The following PCDH15 variants were observed in gnomAD, a reference collection of about 807,000 sequenced individuals.
PCDH15 encodes the protein protocadherin-15.
In PCDH15, 129 loss-of-function variants were observed where a neutral mutation model predicts 178.5. The ratio of observed to expected loss-of-function variants is 0.72; its 90% confidence interval spans 0.63 to 0.84. The LOEUF (loss-of-function observed/expected upper bound fraction) is 0.84. PCDH15 is among the 40% of genes least tolerant of loss of function. The pLI is 0.00. For synonymous variants in PCDH15, 800 were observed against 732.0 expected, an observed-to-expected ratio of 1.09 and a Z score of -1.50; for missense variants, 2,230 against 2,099.9, an observed-to-expected ratio of 1.06 and a Z score of -1.21.
Position 55,199,512 on chromosome 10 carries a change from C to T in PCDH15, c.-155-32861G>A, listed in dbSNP as rs1591984146. 2.0e-5 allele frequency among the ~76,000 whole-genome samples: 3 copies of T among 151,956 alleles called. No homozygotes were observed. In the South Asian group the frequency reaches 6.2e-4, roughly 31 times the overall value. On this transcript the variant is annotated intron_variant, in intron 1 of 5. Transcript: ENST00000458638. ...TCATAAAAGTTTGGAAAATTTGCAG[C>T]CTGACCACGTGGAAGAAAAAAAAAA... is the stretch of plus-strand genomic sequence containing the variant.
chr10:53,957,815 G>T (rs1488262833), intron 23 of PCDH15, among the ~76,000 whole-genome samples: 1 of 151,888 alleles, frequency 6.6e-6, no homozygotes, highest in Non-Finnish European at 1.5e-5. Flanking sequence ...GGAAGCACAG[G>T]TTACTGTGTC....
At chr10:54,537,660 T>A (rs2084731137) in intron 2 of PCDH15, among the ~76,000 whole-genome samples, 1 of 152,088 alleles carries the variant, frequency 6.6e-6, no homozygotes, top group African/African-American at 2.4e-5. Context: ...TGGACAAAAT[T>A]AAAACCAAAA....
chr10:54,416,694 T>A (rs1305237172), intron 3 of PCDH15, among the ~76,000 whole-genome samples: 1 of 152,178 alleles, frequency 6.6e-6, no homozygotes, highest in Non-Finnish European at 1.5e-5. Context: ...CCTTGATGAA[T>A]CACCATACTG....
chr10:54,758,015 A>C (rs1382267732), intron 1 of PCDH15, among the ~76,000 whole-genome samples: 1 of 152,190 alleles, frequency 6.6e-6, no homozygotes, highest in Admixed American at 6.5e-5. Context: ...TCAAAGGACC[A>C]CTGACAAATA....
chr10:54,054,638 C>T (rs542131024), intron 18 of PCDH15, among the ~76,000 whole-genome samples: 1 of 151,876 alleles, frequency 6.6e-6, no homozygotes, highest in African/African-American at 2.4e-5. Context: ...AGGGGTAGGC[C>T]CTAAATAAAT....
At chr10:55,275,009 G>GCTC (rs1842550907) in intron 1 of PCDH15, among the ~76,000 whole-genome samples, 1 of 151,990 alleles carries the variant, frequency 6.6e-6, no homozygotes, top group Non-Finnish European at 1.5e-5. Context: ...AAAAATTATA[G>GCTC]AGTCCCATTT....
At chr10:54,603,260 A>T (rs750421099) in intron 2 of PCDH15, among the ~76,000 whole-genome samples, 6 of 151,756 alleles carry the variant, frequency 4.0e-5, no homozygotes, top group Non-Finnish European at 7.4e-5. Flanking sequence ...TATTTATTTC[A>T]GTCTTCTCTC....
rs1233133649 is a variant in PCDH15, at chr10:53,809,617, G to A, written c.4671+939C>T. 26 of 1,428,184 alleles carry A rather than the reference G, an allele frequency of 1.8e-5. No individual in the cohort carries two copies. The South Asian group carries it at 1.8e-4, about 10-fold the overall frequency. 88.5% of individuals were successfully genotyped at this position (1,428,184 alleles called of 1,614,324 possible). On this transcript the variant is annotated intron_variant, in intron 37 of 37. Coordinates refer to ENST00000644397, the MANE Select transcript of PCDH15 (RefSeq NM_001384140.1). Reference sequence around the variant, plus strand: ...TATGGTATGACCTTGTCCCACGAAAGCTACGCAGGAATGAATCTGTGGGTG... The same window carrying A: ...TATGGTATGACCTTGTCCCACGAAAACTACGCAGGAATGAATCTGTGGGTG...
At chr10:54,577,264 T>TG (rs2090577202) in intron 2 of PCDH15, among the ~76,000 whole-genome samples, 2 of 150,808 alleles carry the variant, frequency 1.3e-5, no homozygotes, top group Admixed American at 6.6e-5. Flanking sequence ...TTTTTTTTTT[T>TG]GTAATTTTTA....
chr10:54,204,448 G>C (rs1044838862), intron 10 of PCDH15, among the ~76,000 whole-genome samples: 4 of 152,106 alleles, frequency 2.6e-5, no homozygotes, highest in Non-Finnish European at 5.9e-5. Context: ...TAGTGACTAG[G>C]AGGAGGTGTA....
chr10:54,905,494 T>A (rs996813979), intron 2 of PCDH15, among the ~76,000 whole-genome samples: 1 of 152,160 alleles, frequency 6.6e-6, no homozygotes, highest in Non-Finnish European at 1.5e-5. Flanking sequence ...TTTTTCTTCA[T>A]TTCTAATGCA....
chr10:54,100,955 C>G (rs1260494030), intron 15 of PCDH15, among the ~76,000 whole-genome samples: 3 of 151,996 alleles, frequency 2.0e-5, no homozygotes, highest in Non-Finnish European at 4.4e-5. Context: ...AGAAAGATCT[C>G]CAGTTAAGGT....
intron 5 of PCDH15, among the ~76,000 whole-genome samples, chr10:54,349,357 G>C (rs1297536911): frequency 6.6e-6 from 1 of 152,048 alleles, no homozygotes; most frequent in Admixed American, 6.6e-5. Flanking sequence ...TAAATTTCTG[G>C]AATAAATATT....
chr10:54,956,871 G>A (rs1467469702), intron 2 of PCDH15, among the ~76,000 whole-genome samples: 1 of 151,620 alleles, frequency 6.6e-6, no homozygotes, highest in African/African-American at 2.4e-5. Context: ...ATACATAGAT[G>A]AGGATACTGA....
intron 2 of PCDH15, among the ~76,000 whole-genome samples, chr10:54,627,832 G>T (rs1205732478): frequency 2.0e-5 from 3 of 152,168 alleles, no homozygotes; most frequent in Non-Finnish European, 2.9e-5. Flanking sequence ...TTTATGCTGA[G>T]AATCTGCAGT....
At chr10:53,977,574 C>G (rs1457893235) in intron 21 of PCDH15, among the ~76,000 whole-genome samples, 2 of 152,154 alleles carry the variant, frequency 1.3e-5, no homozygotes, top group Non-Finnish European at 2.9e-5. Context: ...CACAGCCAAA[C>G]CACATCATTC....
intron 2 of PCDH15, among the ~76,000 whole-genome samples, chr10:55,413,663 T>C (rs1472682363): frequency 6.6e-6 from 1 of 151,736 alleles, no homozygotes; most frequent in Non-Finnish European, 1.5e-5. Flanking sequence ...AAAAATGCTA[T>C]AGTAAATTTT....
At chr10:53,894,675 C>T (rs992124520) in intron 26 of PCDH15, among the ~76,000 whole-genome samples, 25 of 152,156 alleles carry the variant, frequency 1.6e-4, no homozygotes, top group African/African-American at 6.0e-4. Context: ...CGCTATTTGA[C>T]CTCTAAAATG....
intron 2 of PCDH15, among the ~76,000 whole-genome samples, chr10:54,551,615 C>T (rs1415114766): frequency 6.6e-6 from 1 of 152,024 alleles, no homozygotes; most frequent in Non-Finnish European, 1.5e-5. Flanking sequence ...ATAATACATA[C>T]CCTTTTCTCT....
Sources: gnomAD v4.1 joint callset for allele counts (sites outside exome capture counted in the v4.1 genomes callset) on GRCh38, gnomAD v4.1.1 for gene constraint, MANE v1.5 for transcripts, NCBI Gene and HGNC (gene_info 2026-07-23, HGNC 2026-07-21) for gene names.